Variants in SYT1 observed in about 807,000 individuals in gnomAD.
The protein encoded by SYT1 is synaptotagmin 1.
In SYT1, 8 loss-of-function variants were observed where a neutral mutation model predicts 44.8. The ratio of observed to expected loss-of-function variants is 0.18; its 90% CI spans 0.10 to 0.32. SYT1 has a LOEUF of 0.32. SYT1 is among the 10% of genes least tolerant of loss of function. The pLI is 1.00. For synonymous variants in SYT1, 154 were observed against 188.8 expected (o/e 0.82, Z 1.51); for missense variants, 286 against 509.3 (o/e 0.56, Z 4.22).
chr12:78,988,155 G>A (rs1416330645), intron 2 of SYT1, among the ~76,000 whole-genome samples: 5 of 151,480 alleles, frequency 3.3e-5, no homozygotes, highest in African/African-American at 7.3e-5. Flanking sequence ...TGTACAATGC[G>A]TTAGGCATTA....
At chr12:79,408,768 T>C (rs2136129063) in intron 9 of SYT1, among the ~76,000 whole-genome samples, 1 of 151,952 alleles carries the variant, frequency 6.6e-6, no homozygotes, top group South Asian at 2.1e-4. Flanking sequence ...CAGAAGCTGT[T>C]TGACTATGAG....
chr12:79,245,473 C>CAAAAAAAA lies in SYT1; in HGVS notation c.166+27797_166+27804dup, dbSNP rs1273397377. Among the ~76,000 whole-genome samples the CAAAAAAAA allele has an allele frequency of 8.9e-4, 38 of 42,712 alleles. 1 individual carries two copies. Among genetic ancestry groups the CAAAAAAAA allele is most frequent in the East Asian group, 1.9e-3 (3 of 1,570 alleles). The allele number at this position is 42,712 out of a possible 152,430, so 28.0% of individuals were successfully genotyped here. A position where few individuals can be genotyped will look rare whatever the true frequency, so the allele number is the denominator to read the frequency against. ...TGGGCACAGAGCGAGACTCCGTCAA[C>CAAAAAAAA]AAAAAAAAAAAAAAAAGAAAAGAAA... is the stretch of plus-strand genomic sequence containing the variant. On this transcript the variant is annotated intron_variant, in intron 4 of 10. Transcript: ENST00000261205.
chr12:78,951,904 AATG>A (rs1265477582), intron 1 of SYT1, among the ~76,000 whole-genome samples: 1 of 152,088 alleles, frequency 6.6e-6, no homozygotes, highest in Admixed American at 6.6e-5. Flanking sequence ...TGTCTGTTCT[AATG>A]ACCACACTCA....
At chr12:79,323,069 AAG>A (rs1162597265) in intron 8 of SYT1, among the ~76,000 whole-genome samples, 2 of 152,128 alleles carry the variant, frequency 1.3e-5, no homozygotes, top group African/African-American at 4.8e-5. Context: ...CCATGGGGGA[AAG>A]AGAACAGTAG....
chr12:78,953,309 C>A (rs538085807), intron 1 of SYT1, among the ~76,000 whole-genome samples: 1 of 152,102 alleles, frequency 6.6e-6, no homozygotes, highest in Non-Finnish European at 1.5e-5. Flanking sequence ...TCAAAATGAA[C>A]ATTCCCTCTT....
chr12:79,047,057 A>G lies in SYT1; in HGVS notation c.-83-240A>G, dbSNP rs890165669. On this transcript the variant is annotated intron_variant, in intron 2 of 10. Coordinates refer to ENST00000261205, the MANE Select transcript of SYT1 (RefSeq NM_005639.3). The stretch of plus-strand genomic sequence containing the variant: ...CTATAGAAAGCATAATTGACTTTTC[A>G]TAAAATCAGTATATAAACTATCCAC... Among the ~76,000 whole-genome samples, 3 of 151,910 alleles carry G rather than the reference A, an allele frequency of 2.0e-5. No homozygotes were observed. In the South Asian group the frequency reaches 6.2e-4, roughly 31 times the overall value.
chr12:78,982,911 C>T (rs1869372371), intron 2 of SYT1, among the ~76,000 whole-genome samples: 2 of 152,120 alleles, frequency 1.3e-5, no homozygotes, highest in Non-Finnish European at 2.9e-5. Flanking sequence ...TATTAAACAT[C>T]TACAATGTCA....
chr12:79,145,111 A>G (rs1041059770), intron 3 of SYT1, among the ~76,000 whole-genome samples: 4 of 152,222 alleles, frequency 2.6e-5, no homozygotes, highest in Non-Finnish European at 4.4e-5. Flanking sequence ...GATAATGCAT[A>G]TAAAAGTACA....
At chr12:79,126,344 T>C (rs555523680) in intron 3 of SYT1, among the ~76,000 whole-genome samples, 2 of 152,308 alleles carry the variant, frequency 1.3e-5, no homozygotes, top group South Asian at 4.1e-4. Flanking sequence ...CACTGCAACC[T>C]CTGCCTCCCG....
chr12:79,224,780 T>TATA, intron 4 of SYT1, among the ~76,000 whole-genome samples: 1 of 83,956 alleles, frequency 1.2e-5, no homozygotes, highest in East Asian at 2.7e-4. Context: ...TTATTATTAT[T>TATA]ATTATTATTA....
intron 3 of SYT1, among the ~76,000 whole-genome samples, chr12:79,067,019 A>G (rs762909781): frequency 4.6e-5 from 7 of 152,206 alleles, no homozygotes; most frequent in Non-Finnish European, 1.0e-4. Flanking sequence ...CAGTGTTACT[A>G]TAATTGCCTC....
At chr12:78,941,270 C>G (rs1223293228) in intron 1 of SYT1, among the ~76,000 whole-genome samples, 1 of 151,386 alleles carries the variant, frequency 6.6e-6, no homozygotes, top group African/African-American at 2.4e-5. Flanking sequence ...GATGGGGTTT[C>G]ACTGTGTTAG....
chr12:79,344,731 A>G (rs1592985041), intron 8 of SYT1, among the ~76,000 whole-genome samples: 1 of 152,164 alleles, frequency 6.6e-6, no homozygotes, highest in African/African-American at 2.4e-5. Context: ...TGCTGGTATT[A>G]CAGCCATGAG....
intron 2 of SYT1, among the ~76,000 whole-genome samples, chr12:79,001,527 C>T (rs529095777): frequency 1.3e-5 from 2 of 152,234 alleles, no homozygotes; most frequent in East Asian, 1.9e-4. Flanking sequence ...GCTCTCTCTA[C>T]GATCCATTCT....
chr12:79,090,173 T>G (rs1298985479), intron 3 of SYT1, among the ~76,000 whole-genome samples: 1 of 152,036 alleles, frequency 6.6e-6, no homozygotes, highest in African/African-American at 2.4e-5. Flanking sequence ...TCTTTTCTAC[T>G]TGAAAACACA....
At chr12:79,300,789 TTA>T (rs56934430) in intron 8 of SYT1, among the ~76,000 whole-genome samples, 24,081 of 89,500 alleles carry the variant, frequency 0.27, 2,553 homozygotes, top group Middle Eastern at 0.4. Context: ...TGTATACTTA[TTA>T]TATATATATA....
chr12:78,931,478 A>G (rs1877749617), intron 1 of SYT1, among the ~76,000 whole-genome samples: 1 of 152,024 alleles, frequency 6.6e-6, no homozygotes, highest in Non-Finnish European at 1.5e-5. Context: ...AGAAAGAAAG[A>G]AAGAAAGAGA....
intron 3 of SYT1, among the ~76,000 whole-genome samples, chr12:79,200,072 C>T (rs1355268009): frequency 1.3e-5 from 2 of 151,932 alleles, no homozygotes; most frequent in Admixed American, 1.3e-4. Context: ...TTTATGCTTC[C>T]TACCAAAAGC....
chr12:79,301,255 A>G (rs1278561581), intron 8 of SYT1, among the ~76,000 whole-genome samples: 1 of 152,146 alleles, frequency 6.6e-6, no homozygotes, highest in Non-Finnish European at 1.5e-5. Flanking sequence ...CATGGTTCAC[A>G]CTTGTTACTT....
Sources: allele counts gnomAD v4.1 joint callset (sites outside exome capture counted in the v4.1 genomes callset), GRCh38; gene constraint gnomAD v4.1.1; transcripts MANE v1.5; gene names NCBI Gene and HGNC (gene_info 2026-07-23, HGNC 2026-07-21).